The following TCF20 variants were observed in gnomAD, a reference collection of about 807,000 sequenced individuals.
The protein encoded by TCF20 is SPRE-binding protein.
In TCF20, 3 loss-of-function variants were observed where a neutral mutation model predicts 148.6. The observed-to-expected ratio is 0.02, with a 90% CI of 0.01 to 0.05. The LOEUF (loss-of-function observed/expected upper bound fraction) is 0.05, where lower values mean the gene tolerates loss of function less well. Among genes scored for constraint, TCF20 ranks in the 10% least tolerant of loss-of-function variants. The pLI is 1.00. For synonymous variants in TCF20, 1,049 were observed against 909.5 expected (o/e 1.15, Z -2.76); for missense variants, 2,350 against 2,429.3 (o/e 0.97, Z 0.69).
chr22:42,290,570 A>G lies in TCF20; in HGVS notation c.-37+52909T>C, dbSNP rs1927115171. ...CCCTCTCCCCACAGTGTGGCCTGTG[A>G]TATTAGAGCCAAGGGCAGGCTGGGA... On this transcript the variant is annotated intron_variant, in intron 1 of 1. Coordinates refer to the TCF20 transcript ENST00000515426. The surrounding 1 kb of genome is among the most constrained non-coding windows in gnomAD (Gnocchi z 4.2). Among the ~76,000 whole-genome samples, 1 of 151,888 alleles carries G rather than the reference A, an allele frequency of 6.6e-6. No individual in the cohort carries two copies. The highest frequency in any genetic ancestry group is 2.1e-4 in the South Asian group (1 of 4,820).
chr22:42,262,417 C>T (rs192286246), intron 1 of TCF20, among the ~76,000 whole-genome samples: 6 of 152,078 alleles, frequency 3.9e-5, no homozygotes, highest in East Asian at 1.9e-4. Flanking sequence ...ACCGGGTAAA[C>T]GGTAGAGCCC....
chr22:42,321,215 G>T (rs1569208943), intron 1 of TCF20, among the ~76,000 whole-genome samples: 1 of 152,220 alleles, frequency 6.6e-6, no homozygotes, highest in African/African-American at 2.4e-5. Context: ...CCAGACAGGC[G>T]GCACTTCAGG....
chr22:42,169,757 G>A, intron 4 of TCF20, 90 bp downstream of exon 4: 2 of 1,392,388 alleles, frequency 1.4e-6, no homozygotes, highest in South Asian at 2.4e-5. Context: ...AGGTGTGGGT[G>A]AGGCCCACCA....
At chr22:42,171,791 T>C (rs966867124) in intron 3 of TCF20, among the ~76,000 whole-genome samples, 3 of 152,148 alleles carry the variant, frequency 2.0e-5, no homozygotes, top group Admixed American at 1.3e-4. Context: ...AGTCTCTAGT[T>C]TGGGCCAAAC....
In TCF20 at chr22:42,213,204, G is replaced by A. The variant is rs754031239; in HGVS notation, c.2102C>T (p.Ser701Phe). Residue 701 changes from serine (S) to phenylalanine (F), a missense_variant, in exon 2 of 6, where the codon TCT (serine) becomes TTT (phenylalanine). Ser to Phe is a radical substitution (Grantham distance 155). Around this residue, in one of 7 missense-constraint regions of TCF20, gnomAD observed 1,641 missense variants for 1,662.6 expected, o/e 0.99. Coordinates refer to ENST00000677622, the MANE Select transcript of TCF20 (RefSeq NM_001378418.1). ...GTAACTATAGCGCAGACTTCCAGGA[G>A]ATTTGCTAGGCTCAGTTCTGCTCGT... is the stretch of plus-strand genomic sequence containing the variant. ...GFTSRTEPSKSPGSLRYSYKD... is the reference protein window; with the variant it reads ...GFTSRTEPSKFPGSLRYSYKD... The A allele has an allele frequency of 6.2e-7, 1 of 1,614,208 alleles. No individual in the cohort carries two copies.
At chr22:42,231,458 G>C (rs1161534371) in intron 1 of TCF20, among the ~76,000 whole-genome samples, 2 of 152,076 alleles carry the variant, frequency 1.3e-5, no homozygotes, top group Non-Finnish European at 2.9e-5. Context: ...CTCCAGCCTG[G>C]AACAGAGTAA....
chr22:42,242,979 T>C, intron 1 of TCF20, among the ~76,000 whole-genome samples: 1 of 151,936 alleles, frequency 6.6e-6, no homozygotes, highest in Non-Finnish European at 1.5e-5. Flanking sequence ...AGCTATATAA[T>C]ATTCTGGAAA....
At chr22:42,262,388 G>A (rs1172746525) in intron 1 of TCF20, among the ~76,000 whole-genome samples, 1 of 152,140 alleles carries the variant, frequency 6.6e-6, no homozygotes, top group Non-Finnish European at 1.5e-5. Flanking sequence ...GAGAGAAAAG[G>A]AGGAATCTGA....
Position 42,161,224 on chromosome 22 carries a change from G to T in TCF20, c.*179C>A. 8.1e-7 allele frequency: 1 copy of T among 1,231,970 alleles called. No homozygotes were observed. The allele number at this position is 1,231,970 out of a possible 1,614,324, so 76.3% of individuals were successfully genotyped here. Reference sequence around the variant, plus strand: ...GGTGTCACTGGTTTGAGTGTGATGTGAGAACTTAAGGAAGTGCTGGCATGG... The same window carrying T: ...GGTGTCACTGGTTTGAGTGTGATGTTAGAACTTAAGGAAGTGCTGGCATGG... On this transcript the variant is annotated 3_prime_UTR_variant, in exon 6 of 6. Coordinates refer to ENST00000677622, the MANE Select transcript of TCF20 (RefSeq NM_001378418.1).
chr22:42,269,470 C>T (rs982336638), intron 1 of TCF20, among the ~76,000 whole-genome samples: 1 of 152,220 alleles, frequency 6.6e-6, no homozygotes, highest in African/African-American at 2.4e-5. Flanking sequence ...GCACCGCCCC[C>T]CAACTCACTA....
chr22:42,167,232 C>A (rs1569096144), intron 5 of TCF20, among the ~76,000 whole-genome samples: 1 of 152,224 alleles, frequency 6.6e-6, no homozygotes, highest in African/African-American at 2.4e-5. Flanking sequence ...ACACTCAACG[C>A]TCTATCAAGA....
At chr22:42,258,301 CAA>C (rs72471062) in intron 1 of TCF20, among the ~76,000 whole-genome samples, 5,915 of 152,082 alleles carry the variant, frequency 0.039, 365 homozygotes, top group African/African-American at 0.13. Flanking sequence ...CTTCAGTGCG[CAA>C]AGAGTACTCC....
rs930317654 is a variant in TCF20, at chr22:42,214,376, T to C, written c.930A>G (p.Gln310=). The change falls in exon 2 of 6, where the codon CAA becomes CAG. Residue 310 remains glutamine, a synonymous_variant. Transcript: ENST00000677622. ...GCGGTTGCTGCTGCTGCTGCCCCTG[T>C]TGGGTCCCTTGTGGAATCTTTGCCT... is the stretch of plus-strand genomic sequence containing the variant. The part of the protein sequence containing the change: ...FEQAKIPQGT[Q]QGQQQQQPQQ... 6 of 1,613,804 alleles carry C rather than the reference T, an allele frequency of 3.7e-6. No individual in the cohort carries two copies. Among genetic ancestry groups the C allele is most frequent in the South Asian group, 3.3e-5 (3 of 91,052 alleles).
At chr22:42,300,410 C>T (rs1045728063) in intron 1 of TCF20, among the ~76,000 whole-genome samples, 8 of 152,072 alleles carry the variant, frequency 5.3e-5, no homozygotes, top group African/African-American at 1.2e-4. Context: ...AGAAAAAAAG[C>T]GCCACATGGG....
At chr22:42,315,139 G>A (rs1172223459) in intron 1 of TCF20, among the ~76,000 whole-genome samples, 2 of 152,070 alleles carry the variant, frequency 1.3e-5, no homozygotes, top group African/African-American at 2.4e-5. Context: ...AGGAGGCTGT[G>A]GACACCTCTA....
At chr22:42,173,245 A>T (rs1167276706) in intron 3 of TCF20, among the ~76,000 whole-genome samples, 2 of 148,088 alleles carry the variant, frequency 1.4e-5, no homozygotes, top group Admixed American at 6.7e-5. Flanking sequence ...ACATTAATTA[A>T]AAAAAAAAAA....
intron 3 of TCF20, among the ~76,000 whole-genome samples, chr22:42,174,010 T>G (rs934689682): frequency 6.6e-6 from 1 of 152,128 alleles, no homozygotes; most frequent in African/African-American, 2.4e-5. Context: ...TACTCACAAG[T>G]CCTCAGCTAA....
intron 1 of TCF20, among the ~76,000 whole-genome samples, chr22:42,329,713 C>T (rs5758712): frequency 0.036 from 5,462 of 152,292 alleles, 314 homozygotes; most frequent in East Asian, 0.29. Flanking sequence ...GCAGAGAAAC[C>T]GGGAAGCAGC....
intron 2 of TCF20, among the ~76,000 whole-genome samples, chr22:42,182,389 CCAT>C (rs1936823119): frequency 6.6e-6 from 1 of 152,340 alleles, no homozygotes; most frequent in South Asian, 2.1e-4. Context: ...CCCAAGATGA[CCAT>C]GTGTCAGACA....
Sources: allele counts gnomAD v4.1 joint callset (sites outside exome capture counted in the v4.1 genomes callset), GRCh38; gene constraint gnomAD v4.1.1; regional missense constraint gnomAD v4.1.1; non-coding constraint Gnocchi (gnomAD v3.1); transcripts MANE v1.5; gene names NCBI Gene and HGNC (gene_info 2026-07-23, HGNC 2026-07-21).